The following VAV2 variants were observed in gnomAD, a reference collection of about 807,000 sequenced individuals.
VAV2 encodes vav guanine nucleotide exchange factor 2, also known as guanine nucleotide exchange factor VAV2.
A neutral mutation model predicts 132.5 loss-of-function variants in VAV2; 67 were observed. That is an observed-to-expected ratio of 0.51 (90% CI 0.42 to 0.62). VAV2 has a LOEUF of 0.62. Ranked by LOEUF, VAV2 falls within the 20% of genes least tolerant of loss-of-function variation. VAV2 has a pLI of 0.00. For synonymous variants in VAV2, 492 were observed against 443.5 expected, an observed-to-expected ratio of 1.11 and a Z score of -1.37; for missense variants, 938 against 1,153.6, an observed-to-expected ratio of 0.81 and a Z score of 2.71.
chr9:133,984,506 G>A lies in VAV2; in HGVS notation c.204+7569C>T, dbSNP rs181970054. ...CACACACCTGTAGTCCCAGCTACTT[G>A]GGAGGCTGTAGTGAAAGGATCCCTT... On this transcript the variant is annotated intron_variant, in intron 1 of 29. Transcript: ENST00000371850. 2.0e-5 allele frequency among the ~76,000 whole-genome samples: 3 copies of A among 152,198 alleles called. No homozygotes were observed. In the East Asian group the frequency reaches 5.8e-4, roughly 29 times the overall value.
chr9:133,950,050 G>C (rs541857922), intron 1 of VAV2, among the ~76,000 whole-genome samples: 1 of 152,138 alleles, frequency 6.6e-6, no homozygotes, highest in Non-Finnish European at 1.5e-5. Flanking sequence ...CCGCTGCCAG[G>C]GTCTGTCTGT....
intron 1 of VAV2, among the ~76,000 whole-genome samples, chr9:133,967,529 C>A (rs1488325208): frequency 1.3e-5 from 2 of 152,066 alleles, no homozygotes; most frequent in Non-Finnish European, 2.9e-5. Context: ...GACATATATA[C>A]ACAATAGAAT....
chr9:133,772,390 C>T (rs1197299685), intron 25 of VAV2, among the ~76,000 whole-genome samples: 2 of 152,158 alleles, frequency 1.3e-5, no homozygotes, highest in East Asian at 1.9e-4. Flanking sequence ...GTGGAGCAGC[C>T]GGGCCCAGCC....
At chr9:133,825,588 G>A (rs1159455152) in intron 4 of VAV2, among the ~76,000 whole-genome samples, 3 of 152,176 alleles carry the variant, frequency 2.0e-5, no homozygotes, top group South Asian at 2.1e-4. Context: ...CCTCCACAAC[G>A]CGGACCTCCC....
intron 3 of VAV2, among the ~76,000 whole-genome samples, chr9:133,838,850 A>AATGGATGGATGG (rs534999725): frequency 0.15 from 9,133 of 62,940 alleles, 1,215 homozygotes; most frequent in African/African-American, 0.39. Context: ...TGGATGGATG[A>AATGGATGGATGG]ATGGGTGGGT....
chr9:133,783,876 CGTTTT>C (rs1255510861), intron 18 of VAV2, among the ~76,000 whole-genome samples: 5 of 124,972 alleles, frequency 4.0e-5, no homozygotes, highest in African/African-American at 9.2e-5. Context: ...TTGGCTGGGC[CGTTTT>C]TTTTTTTTTT....
intron 3 of VAV2, among the ~76,000 whole-genome samples, chr9:133,856,911 G>A (rs1187991258): frequency 1.3e-5 from 2 of 152,146 alleles, no homozygotes; most frequent in African/African-American, 4.8e-5. Context: ...AGGGTTTGGG[G>A]GTTAGGACAT....
chr9:133,822,911 AC>A (rs1401191473), intron 4 of VAV2, among the ~76,000 whole-genome samples: 2 of 152,018 alleles, frequency 1.3e-5, no homozygotes, highest in Non-Finnish European at 2.9e-5. Context: ...ATGCTGTGTG[AC>A]CTCCGGCAAG....
intron 2 of VAV2, among the ~76,000 whole-genome samples, chr9:133,920,905 G>A (rs1026642611): frequency 3.3e-5 from 5 of 152,200 alleles, no homozygotes; most frequent in Admixed American, 2.6e-4. Flanking sequence ...CATACCCCTC[G>A]GCCCACCCGC....
rs571127919 is a variant in VAV2, at chr9:133,885,562, C to T, written c.322-24130G>A. ...AGCGTGCAATGCCATTCAGATTTTA[C>T]ACAAGCAAGGTGCTCAGGCCGCAGG... is the stretch of plus-strand genomic sequence containing the variant. On this transcript the variant is annotated intron_variant, in intron 2 of 29. Coordinates refer to ENST00000371850, the MANE Select transcript of VAV2 (RefSeq NM_001134398.2). This position sits in a 1 kb window ranked among gnomAD's most constrained non-coding sequence, Gnocchi z 5.0. Among the ~76,000 whole-genome samples the T allele has an allele frequency of 6.6e-6, 1 of 152,338 alleles. No individual in the cohort carries two copies. Among genetic ancestry groups the T allele is most frequent in the African/African-American group, 2.4e-5 (1 of 41,580 alleles).
intron 2 of VAV2, 96 bp from the exon 3 acceptor site, chr9:133,861,528 G>A (rs764622622): frequency 1.8e-5 from 25 of 1,367,570 alleles, no homozygotes; most frequent in Non-Finnish European, 2.1e-5. Flanking sequence ...GTCGAGAACT[G>A]TTAACTGAGC....
rs2132046203 is a variant in VAV2, at chr9:133,912,105, T to C, written c.321+26998A>G. Among the ~76,000 whole-genome samples, 1 of 152,210 alleles carries C rather than the reference T, an allele frequency of 6.6e-6. No homozygotes were observed. Among genetic ancestry groups the C allele is most frequent in the Admixed American group, 6.5e-5 (1 of 15,292 alleles). ...CTCCCTGCCCTCCAAAGATGGCTGA[T>C]TTTCAAAGATGGGGTGTCAGCTGAG... On this transcript the variant is annotated intron_variant, in intron 2 of 29. Transcript: ENST00000371850. The surrounding 1 kb of genome is among the most constrained non-coding windows in gnomAD (Gnocchi z 4.3).
chr9:133,963,931 G>A (rs1842042379), intron 1 of VAV2, among the ~76,000 whole-genome samples: 1 of 150,598 alleles, frequency 6.6e-6, no homozygotes, highest in Middle Eastern at 3.2e-3. Context: ...GCCCAGTTCT[G>A]TAAATCAAAC....
intron 20 of VAV2, chr9:133,780,172 C>A: frequency 3.5e-6 from 2 of 566,786 alleles, no homozygotes; most frequent in East Asian, 3.2e-5. Context: ...CTCTCCCACT[C>A]CTTACCACGG....
intron 2 of VAV2, among the ~76,000 whole-genome samples, chr9:133,911,888 C>T (rs1215823760): frequency 1.3e-5 from 2 of 152,238 alleles, no homozygotes; most frequent in East Asian, 1.9e-4. Flanking sequence ...CCCCACAGGT[C>T]AGGATTGCCC....
intron 2 of VAV2, among the ~76,000 whole-genome samples, chr9:133,904,316 A>C (rs1005119001): frequency 6.6e-6 from 1 of 152,242 alleles, no homozygotes; most frequent in Admixed American, 6.5e-5. Context: ...CATTAAAAAG[A>C]CACAGAAGAA....
intron 1 of VAV2, among the ~76,000 whole-genome samples, chr9:133,987,379 G>A (rs2519824): frequency 0.4 from 61,240 of 152,176 alleles, 13,526 homozygotes; most frequent in East Asian, 0.83. Context: ...CAAGGAGGCT[G>A]CCAAGGGGAG....
At chr9:133,967,737 G>T (rs1435686597) in intron 1 of VAV2, among the ~76,000 whole-genome samples, 1 of 141,078 alleles carries the variant, frequency 7.1e-6, no homozygotes, top group Non-Finnish European at 1.5e-5. Context: ...TTTGAGACCA[G>T]CCCGCCCAAC....
intron 3 of VAV2, among the ~76,000 whole-genome samples, chr9:133,846,413 G>A (rs1836937609): frequency 6.6e-6 from 1 of 152,198 alleles, no homozygotes. Flanking sequence ...GCAGCCCCTC[G>A]GTGGCCCTGG....
Sources: gnomAD v4.1 joint callset for allele counts (sites outside exome capture counted in the v4.1 genomes callset) on GRCh38, gnomAD v4.1.1 for gene constraint, Gnocchi (gnomAD v3.1) non-coding constraint, MANE v1.5 for transcripts, NCBI Gene and HGNC (gene_info 2026-07-23, HGNC 2026-07-21) for gene names.